The following PCNX2 variants were observed in gnomAD, a reference collection of about 807,000 sequenced individuals.
PCNX2 encodes the protein pecanex-like protein 2.
PCNX2 carries 168 observed loss-of-function variants against 223.8 expected under a neutral mutation model. The ratio of observed to expected loss-of-function variants is 0.75; its 90% CI spans 0.66 to 0.85. The LOEUF is 0.85. Among genes scored for constraint, PCNX2 ranks in the 40% least tolerant of loss-of-function variants. The pLI is 0.00. For synonymous variants in PCNX2, 1,006 were observed against 1,052.6 expected (o/e 0.96, Z 0.86); for missense variants, 2,507 against 2,675.5 (o/e 0.94, Z 1.39).
At chr1:233,259,794 A>G in intron 4 of PCNX2, 2 of 848,728 alleles carry the variant, frequency 2.4e-6, no homozygotes, top group East Asian at 1.2e-4. Context: ...ACATGAACTC[A>G]TTCTTATTTA....
intron 25 of PCNX2, among the ~76,000 whole-genome samples, chr1:233,052,163 C>T (rs951388547): frequency 1.3e-5 from 2 of 152,108 alleles, no homozygotes; most frequent in African/African-American, 4.8e-5. Flanking sequence ...AAACACAGAA[C>T]CTACCACTCT....
At chr1:233,219,462 G>C (rs762969624) in intron 10 of PCNX2, among the ~76,000 whole-genome samples, 13 of 152,010 alleles carry the variant, frequency 8.6e-5, no homozygotes, top group Non-Finnish European at 1.8e-4. Context: ...AGGGAACAAG[G>C]GGCCTGGGTG....
chr1:233,265,190 C>T (rs758852849), intron 1 of PCNX2, among the ~76,000 whole-genome samples: 3 of 150,992 alleles, frequency 2.0e-5, no homozygotes, highest in Admixed American at 6.6e-5. Flanking sequence ...TTACAGTGAG[C>T]TATAATCATG....
intron 17 of PCNX2, among the ~76,000 whole-genome samples, chr1:233,170,793 T>C (rs1679103359): frequency 6.6e-6 from 1 of 152,240 alleles, no homozygotes; most frequent in South Asian, 2.1e-4. Context: ...CTTCTATTTT[T>C]TAGTTTTCCG....
intron 26 of PCNX2, among the ~76,000 whole-genome samples, chr1:233,018,459 C>T (rs966473101): frequency 6.6e-6 from 1 of 152,220 alleles, no homozygotes; most frequent in African/African-American, 2.4e-5. Context: ...TAATCAGACA[C>T]TGTACTTATG....
intron 1 of PCNX2, among the ~76,000 whole-genome samples, chr1:233,265,408 T>A (rs937600576): frequency 6.6e-6 from 1 of 152,196 alleles, no homozygotes; most frequent in African/African-American, 2.4e-5. Context: ...GCTGAGGCCA[T>A]ATGACTACTT....
chr1:233,268,203 C>T (rs1266329201), intron 1 of PCNX2, among the ~76,000 whole-genome samples: 4 of 152,256 alleles, frequency 2.6e-5, no homozygotes, highest in South Asian at 2.1e-4. Context: ...TGAGCCACCG[C>T]GCCTGGTTTA....
At chr1:233,125,031 C>CACT (rs148661207) in intron 21 of PCNX2, among the ~76,000 whole-genome samples, 302 of 152,300 alleles carry the variant, frequency 2.0e-3, no homozygotes, top group Non-Finnish European at 2.7e-3. Flanking sequence ...CTACTAAGGG[C>CACT]ACTAAAGAAA....
chr1:233,166,201 A>AATT (rs1558301346), intron 17 of PCNX2, among the ~76,000 whole-genome samples: 59 of 151,200 alleles, frequency 3.9e-4, no homozygotes, highest in African/African-American at 1.4e-3. Flanking sequence ...ATAAATAAAT[A>AATT]AATTAAATTA....
intron 9 of PCNX2, among the ~76,000 whole-genome samples, chr1:233,233,583 C>G (rs1249784981): frequency 6.6e-6 from 1 of 151,986 alleles, no homozygotes; most frequent in Admixed American, 6.6e-5. Flanking sequence ...GAATTTCAGA[C>G]AAGTCTTCCT....
At position 232,996,075 on chromosome 1, in the gene PCNX2, T is replaced by C. The variant is rs200817835; in HGVS notation, c.5791+2176A>G. On this transcript the variant is annotated intron_variant, in intron 32 of 33. Transcript: ENST00000258229. Reference sequence around the variant, plus strand: ...TGGGGTTTCACCATGTTGGCCAGGCTGGTCTTGAACTCCTGACCTCAAGTG... The same window carrying C: ...TGGGGTTTCACCATGTTGGCCAGGCCGGTCTTGAACTCCTGACCTCAAGTG... Among the ~76,000 whole-genome samples the C allele has an allele frequency of 3.9e-5, 6 of 152,298 alleles. No individual in the cohort carries two copies. The East Asian group carries it at 7.7e-4, about 20-fold the overall frequency.
At chr1:233,167,361 T>C (rs991407242) in intron 17 of PCNX2, among the ~76,000 whole-genome samples, 57 of 141,656 alleles carry the variant, frequency 4.0e-4, no homozygotes, top group African/African-American at 1.5e-3. Context: ...AGAGAGAGAG[T>C]CAAACATACA....
At chr1:233,263,899 G>C (rs1660192664) in intron 1 of PCNX2, among the ~76,000 whole-genome samples, 10 of 152,158 alleles carry the variant, frequency 6.6e-5, no homozygotes, top group Admixed American at 6.5e-4. Context: ...AAGGGAGAAA[G>C]GTTAGGGTAA....
Position 233,295,122 on chromosome 1 carries a change from C to G in PCNX2, c.153+204G>C, listed in dbSNP as rs149429796. 2.6e-5 allele frequency among the ~76,000 whole-genome samples: 4 copies of G among 152,164 alleles called. No homozygotes were observed. The highest frequency in any genetic ancestry group is 9.7e-5 in the African/African-American group (4 of 41,434). ...AGTCCCCGAGCCCCCGCAGTCCTGT[C>G]TACTTCTTTTCTTTTCCAGTGAATC... On this transcript the variant is annotated intron_variant, in intron 1 of 33. Transcript: ENST00000258229. The surrounding 1 kb of genome is among the most constrained non-coding windows in gnomAD (Gnocchi z 4.1).
intron 8 of PCNX2, 31 bp downstream of exon 8, chr1:233,250,708 C>T (rs1470013127): frequency 6.4e-7 from 1 of 1,570,474 alleles, no homozygotes; most frequent in East Asian, 2.3e-5. Flanking sequence ...AATGCAACAG[C>T]TCTCAAGCCT....
intron 19 of PCNX2, among the ~76,000 whole-genome samples, chr1:233,147,629 T>A (rs1470299357): frequency 6.6e-6 from 1 of 152,232 alleles, no homozygotes; most frequent in East Asian, 1.9e-4. Context: ...TTCAGACTTG[T>A]GTTGTTCAAG....
Position 232,989,282 on chromosome 1 carries a change from A to G in PCNX2, c.5792-2742T>C, listed in dbSNP as rs944153009. 1.4e-4 allele frequency among the ~76,000 whole-genome samples: 21 copies of G among 152,240 alleles called. No homozygotes were observed. The East Asian group carries it at 3.9e-3, about 28-fold the overall frequency. On this transcript the variant is annotated intron_variant, in intron 32 of 33. Coordinates refer to ENST00000258229, the MANE Select transcript of PCNX2 (RefSeq NM_014801.4). ...ATCCTGGCTAACACGGTGAAACCCC[A>G]TCTCTACTAAAAATACAAAGAATTA...
the PCNX2 span, among the ~76,000 whole-genome samples, chr1:233,303,489 T>C: frequency 2.2e-4 from 33 of 152,270 alleles, no homozygotes; most frequent in Admixed American, 5.9e-4. Flanking sequence ...TACTCCAGCT[T>C]GGGCGAAAAA....
chr1:233,203,147 C>T (rs899943069), intron 13 of PCNX2, among the ~76,000 whole-genome samples: 40 of 152,146 alleles, frequency 2.6e-4, no homozygotes, highest in Non-Finnish European at 1.5e-4. Context: ...TTGGACATTC[C>T]CAGTTCCATT....
Sources: allele counts gnomAD v4.1 joint callset (sites outside exome capture counted in the v4.1 genomes callset), GRCh38; gene constraint gnomAD v4.1.1; non-coding constraint Gnocchi (gnomAD v3.1); transcripts MANE v1.5; gene names NCBI Gene and HGNC (gene_info 2026-07-23, HGNC 2026-07-21).